SLC49A4: variants seen among roughly 807,000 people sequenced by gnomAD.
SLC49A4 encodes the protein disrupted in renal cancer protein 2.
Under a neutral mutation model 50.6 loss-of-function variants are expected in SLC49A4, and 36 were observed. That is an observed-to-expected ratio of 0.71 (90% confidence interval 0.55 to 0.94). The LOEUF (loss-of-function observed/expected upper bound fraction) is 0.94, where lower values mean the gene tolerates loss of function less well. Ranked by LOEUF, SLC49A4 falls within the 40% of genes least tolerant of loss-of-function variation. The pLI is 0.00. For missense variants in SLC49A4, 503 were observed against 605.7 expected, an observed-to-expected ratio of 0.83 and a Z score of 1.78; for synonymous variants, 248 against 241.2, an observed-to-expected ratio of 1.03 and a Z score of -0.26.
intron 4 of SLC49A4, among the ~76,000 whole-genome samples, chr3:122,835,032 T>TGAACA (rs1455994039): frequency 1.3e-5 from 2 of 152,064 alleles, no homozygotes; most frequent in African/African-American, 4.8e-5. Flanking sequence ...AGACCAATAA[T>TGAACA]GAGCCGTGAG....
At chr3:122,849,545 G>A (rs1230095093) in intron 5 of SLC49A4, among the ~76,000 whole-genome samples, 1 of 152,120 alleles carries the variant, frequency 6.6e-6, no homozygotes, top group Non-Finnish European at 1.5e-5. Flanking sequence ...GCTATTCATT[G>A]TAGTTTTGTT....
intron 1 of SLC49A4, among the ~76,000 whole-genome samples, chr3:122,798,621 G>A (rs2107553407): frequency 6.8e-6 from 1 of 148,116 alleles, no homozygotes; most frequent in South Asian, 2.2e-4. Flanking sequence ...GGCATCCTTG[G>A]GTACTAAAAT....
intron 7 of SLC49A4, among the ~76,000 whole-genome samples, chr3:122,864,127 C>T (rs1259345064): frequency 6.6e-6 from 1 of 152,168 alleles, no homozygotes; most frequent in Non-Finnish European, 1.5e-5. Flanking sequence ...ACCATCTCTA[C>T]AGAATAAAAA....
Position 122,802,952 on chromosome 3 carries a change from T to C in SLC49A4, c.344-3905T>C, listed in dbSNP as rs74437348. On this transcript the variant is annotated intron_variant, in intron 1 of 8. Transcript: ENST00000261038. ...AGTTTTAAGTGGCCTAATATGCATG[T>C]AATTGGAGTCTCATAAGGAAAAGAG... is the stretch of plus-strand genomic sequence containing the variant. 4.7e-3 allele frequency among the ~76,000 whole-genome samples: 713 copies of C among 152,186 alleles called. 3 individuals carry two copies. Among genetic ancestry groups the C allele is most frequent in the Non-Finnish European group, 7.5e-3 (509 of 67,994 alleles).
chr3:122,801,093 G>A (rs901001024), intron 1 of SLC49A4, among the ~76,000 whole-genome samples: 1 of 152,194 alleles, frequency 6.6e-6, no homozygotes. Context: ...CAGGTGAATA[G>A]GACTGACAAG....
chr3:122,853,628 C>A (rs1287937815), intron 5 of SLC49A4, among the ~76,000 whole-genome samples: 1 of 152,152 alleles, frequency 6.6e-6, no homozygotes, highest in Non-Finnish European at 1.5e-5. Context: ...GGCGCGGTAG[C>A]ACACGCCTGT....
chr3:122,844,908 G>A (rs1258748064), intron 4 of SLC49A4, among the ~76,000 whole-genome samples: 1 of 151,078 alleles, frequency 6.6e-6, no homozygotes, highest in Non-Finnish European at 1.5e-5. Context: ...TACACATATT[G>A]TACATATATG....
intron 3 of SLC49A4, among the ~76,000 whole-genome samples, chr3:122,830,235 A>C (rs890723549): frequency 6.6e-6 from 1 of 152,250 alleles, no homozygotes; most frequent in East Asian, 1.9e-4. Flanking sequence ...TATTGTGAAG[A>C]TATCCCCAAG....
chr3:122,840,056 G>A lies in SLC49A4; in HGVS notation c.834-5707G>A, dbSNP rs142476676. 1.3e-3 allele frequency among the ~76,000 whole-genome samples: 204 copies of A among 152,226 alleles called. 1 individual carries two copies. Among genetic ancestry groups the A allele is most frequent in the South Asian group, 4.3e-3 (21 of 4,832 alleles). The stretch of plus-strand genomic sequence containing the variant: ...ATACACCATAGAATACTACTCAGCC[G>A]TAAAAAAAGAACAAAATAATGCTTT... On this transcript the variant is annotated intron_variant, in intron 4 of 8. Coordinates refer to ENST00000261038, the MANE Select transcript of SLC49A4 (RefSeq NM_032839.3).
intron 3 of SLC49A4, among the ~76,000 whole-genome samples, chr3:122,830,971 C>CA (rs1936600698): frequency 6.6e-6 from 1 of 152,060 alleles, no homozygotes; most frequent in Middle Eastern, 3.2e-3. Flanking sequence ...GTAAAGGACT[C>CA]AAACACATTT....
intron 2 of SLC49A4, among the ~76,000 whole-genome samples, chr3:122,811,895 A>ACT (rs1936305164): frequency 6.6e-6 from 1 of 152,162 alleles, no homozygotes; most frequent in South Asian, 2.1e-4. Context: ...TAGAAGTCTG[A>ACT]GGTGGAAAGG....
chr3:122,810,853 C>T (rs752515458), intron 2 of SLC49A4, among the ~76,000 whole-genome samples: 2 of 152,168 alleles, frequency 1.3e-5, no homozygotes, highest in Non-Finnish European at 2.9e-5. Context: ...TGTTTAGTGA[C>T]TGATTTTGTG....
chr3:122,880,604 G>C lies in SLC49A4; in HGVS notation c.*1226G>C, dbSNP rs1052843703. The C allele has an allele frequency of 2.6e-5, 4 of 152,156 alleles. No individual in the cohort carries two copies. Among genetic ancestry groups the C allele is most frequent in the Non-Finnish European group, 4.4e-5 (3 of 68,056 alleles). The allele number at this position is 152,156 out of a possible 1,614,324, so 9.4% of individuals were successfully genotyped here. A position where few individuals can be genotyped will look rare whatever the true frequency, so the allele number is the denominator to read the frequency against. On this transcript the variant is annotated 3_prime_UTR_variant, in exon 9 of 9. Coordinates refer to ENST00000261038, the MANE Select transcript of SLC49A4 (RefSeq NM_032839.3). ...CTTTTCCCAAAAAGTCAAGAATACT[G>C]CTATACCTTTATTATTCTCAGCTTC...
At chr3:122,872,822 C>T (rs573053593) in intron 8 of SLC49A4, among the ~76,000 whole-genome samples, 34 of 151,780 alleles carry the variant, frequency 2.2e-4, no homozygotes, top group African/African-American at 7.7e-4. Flanking sequence ...TCCCCCACCC[C>T]CGAATTTCTG....
chr3:122,870,874 A>T (rs1397171659), intron 7 of SLC49A4, among the ~76,000 whole-genome samples: 1 of 151,584 alleles, frequency 6.6e-6, no homozygotes, highest in Non-Finnish European at 1.5e-5. Context: ...TTTTAGAAAT[A>T]CAATACTCTA....
At chr3:122,863,787 C>T (rs1263048096) in intron 7 of SLC49A4, among the ~76,000 whole-genome samples, 1 of 152,080 alleles carries the variant, frequency 6.6e-6, no homozygotes. Context: ...AAGAATCTAC[C>T]TGAAACGTAT....
At position 122,870,818 on chromosome 3, in the gene SLC49A4, A is replaced by T. The variant is rs543281068; in HGVS notation, c.1139-1597A>T. Among the ~76,000 whole-genome samples, 18 of 126,578 alleles carry T rather than the reference A, an allele frequency of 1.4e-4. No homozygotes were observed. In the East Asian group the frequency reaches 6.5e-3, roughly 45 times the overall value. The allele number at this position is 126,578 out of a possible 152,430, so 83.0% of individuals were successfully genotyped here. The stretch of plus-strand genomic sequence containing the variant: ...AACAGAGCAAGACTCCATCTCAACA[A>T]TAATAATAATAATAATAATAATAAT... On this transcript the variant is annotated intron_variant, in intron 7 of 8. Transcript: ENST00000261038.
chr3:122,856,500 T>C, intron 6 of SLC49A4, 126 bp downstream of exon 6: 1 of 868,044 alleles, frequency 1.2e-6, no homozygotes, highest in South Asian at 1.6e-5. Context: ...CAGAAAGGGG[T>C]ACTTGTTCAG....
rs150677929 is a variant in SLC49A4 at position 122,820,385 on chromosome 3, C to G, written c.438-6415C>G. ...TGATTTTACATGTGTTATTAACTTTCTGGAAGGGGTTGGGTTATCTAGGTG... is the reference window on the plus strand; with the variant it reads ...TGATTTTACATGTGTTATTAACTTTGTGGAAGGGGTTGGGTTATCTAGGTG... On this transcript the variant is annotated intron_variant, in intron 2 of 8. Transcript: ENST00000261038. Among the ~76,000 whole-genome samples the G allele has an allele frequency of 1.2e-4, 18 of 152,270 alleles. No individual in the cohort carries two copies. The East Asian group carries it at 3.3e-3, about 28-fold the overall frequency.
Sources: gnomAD v4.1 joint callset for allele counts (sites outside exome capture counted in the v4.1 genomes callset) on GRCh38, gnomAD v4.1.1 for gene constraint, MANE v1.5 for transcripts, NCBI Gene and HGNC (gene_info 2026-07-23, HGNC 2026-07-21) for gene names.